Variants in MED23 observed in about 807,000 individuals in gnomAD.
MED23 encodes mediator complex subunit 23.
A neutral mutation model predicts 163.9 loss-of-function variants in MED23; 105 were observed. The ratio of observed to expected loss-of-function variants is 0.64; its 90% CI spans 0.55 to 0.75. MED23 has a LOEUF of 0.75. Ranked by LOEUF, MED23 falls within the 30% of genes least tolerant of loss-of-function variation. The probability of loss-of-function intolerance (pLI) is 0.00; values close to 1 mark genes in which losing one functional copy is unlikely to be tolerated. For synonymous variants in MED23, 561 were observed against 565.6 expected, an observed-to-expected ratio of 0.99 and a Z score of 0.12; for missense variants, 1,054 against 1,649.0, an observed-to-expected ratio of 0.64 and a Z score of 6.25.
chr6:131,598,634 T>C lies in MED23; in HGVS notation c.2348A>G (p.Gln783Arg). 1 of 1,614,162 alleles carries C rather than the reference T, an allele frequency of 6.2e-7. No individual in the cohort carries two copies. The highest frequency in any genetic ancestry group is 8.5e-7 in the Non-Finnish European group (1 of 1,180,028). ...ENDIITHFSM[Q>R]GSPPLFLCLL... is the part of the protein sequence containing the mutation. ...ACAAAGAAAGAGAGGAGGGGAGCCC[T>C]GCATAGAGAAGTGGGTAATAATGTC... The change falls in exon 19 of 29, where the codon CAG becomes CGG. Residue 783 changes from glutamine (Q) to arginine (R), a missense_variant. By Grantham distance (43) the Gln-to-Arg change is conservative. This residue lies in a region of MED23 where 228 missense variants were observed against 461.3 expected (regional missense o/e 0.49). Coordinates refer to ENST00000368068, the MANE Select transcript of MED23 (RefSeq NM_004830.4). This position sits in a 1 kb window ranked among gnomAD's most constrained non-coding sequence, Gnocchi z 4.7.
intron 12 of MED23, 71 bp from the exon 13 acceptor site, chr6:131,606,695 G>A (rs1775876332): frequency 7.7e-7 from 1 of 1,291,756 alleles, no homozygotes; most frequent in Admixed American, 1.9e-5. Context: ...GTGTATTTTA[G>A]TAATCAATTT....
At chr6:131,583,727 A>T, downstream of MED23, 1 of 1,611,806 alleles carries the variant, frequency 6.2e-7, no homozygotes. Context: ...ACATTATTAC[A>T]ATTTGTTGTT....
intron 28 of MED23, 29 bp from the exon 29 acceptor site, chr6:131,587,875 C>T (rs1242455867): frequency 1.3e-6 from 2 of 1,571,922 alleles, no homozygotes; most frequent in Admixed American, 1.8e-5. Context: ...TTAAAACGTA[C>T]TTTAATCAGA....
At chr6:131,611,104 T>C (rs927721528) in intron 10 of MED23, among the ~76,000 whole-genome samples, 3 of 152,176 alleles carry the variant, frequency 2.0e-5, no homozygotes, top group African/African-American at 4.8e-5. Context: ...TATGACTTAG[T>C]AGCAGGCAGT....
intron 4 of MED23, among the ~76,000 whole-genome samples, chr6:131,624,439 G>A (rs1196139329): frequency 6.6e-6 from 1 of 152,184 alleles, no homozygotes; most frequent in Non-Finnish European, 1.5e-5. Context: ...CCAGATATCT[G>A]AGTGGGGAAG....
At chr6:131,596,460 T>C in intron 21 of MED23, 58 bp downstream of exon 21, 1 of 1,587,624 alleles carries the variant, frequency 6.3e-7, no homozygotes, top group African/African-American at 1.3e-5. Context: ...AATCACTTCA[T>C]CAAATACTCA....
chr6:131,606,686 T>C (rs541060137), intron 12 of MED23, 62 bp from the exon 13 acceptor site: 1 of 1,347,056 alleles, frequency 7.4e-7, no homozygotes. Context: ...AATAATTATG[T>C]GTATTTTAGT....
At chr6:131,622,437 C>T (rs1407984866) in intron 5 of MED23, among the ~76,000 whole-genome samples, 1 of 152,150 alleles carries the variant, frequency 6.6e-6, no homozygotes, top group African/African-American at 2.4e-5. Context: ...CCCTTCTCAT[C>T]CATCACATAC....
At chr6:131,597,353 G>A (rs1050296447) in intron 20 of MED23, among the ~76,000 whole-genome samples, 1 of 151,538 alleles carries the variant, frequency 6.6e-6, no homozygotes, top group African/African-American at 2.4e-5. Context: ...GTGGGCACCT[G>A]TAGTCCCAGC....
chr6:131,607,876 A>T, intron 12 of MED23, 52 bp downstream of exon 12: 1 of 1,573,226 alleles, frequency 6.4e-7, no homozygotes, highest in Non-Finnish European at 8.7e-7. Flanking sequence ...AACATAAATT[A>T]GACATAATTT....
At position 131,598,772 on chromosome 6, in the gene MED23, G is replaced by A; in HGVS notation, c.2221-11C>T. On this transcript the variant is annotated splice_polypyrimidine_tract_variant and intron_variant, in intron 18 of 28. Transcript: ENST00000368068. This position sits in a 1 kb window ranked among gnomAD's most constrained non-coding sequence, Gnocchi z 4.7. ...TTGTTTGAAGAATGCCTAAAAAGAG[G>A]ATTAGAAGTTTATTTCATTGGTTAT... is the stretch of plus-strand genomic sequence containing the variant. 1 of 1,611,156 alleles carries A rather than the reference G, an allele frequency of 6.2e-7. No individual in the cohort carries two copies. The highest frequency in any genetic ancestry group is 8.5e-7 in the Non-Finnish European group (1 of 1,177,370).
chr6:131,619,765 G>C lies in MED23; in HGVS notation c.667+62C>G, dbSNP rs755477828. The C allele has an allele frequency of 8.6e-5, 109 of 1,267,180 alleles. 1 individual carries two copies. The highest frequency in any genetic ancestry group is 1.4e-4 in the South Asian group (12 of 83,798). 78.5% of individuals were successfully genotyped at this position (1,267,180 alleles called of 1,614,324 possible). A position where few individuals can be genotyped will look rare whatever the true frequency, so the allele number is the denominator to read the frequency against. Reference sequence around the variant, plus strand: ...TATTAAGAGAACATCCCTCAGCTTTGTTCAATAATTAGATTACTAAAAATC... The same window carrying C: ...TATTAAGAGAACATCCCTCAGCTTTCTTCAATAATTAGATTACTAAAAATC... On this transcript the variant is annotated intron_variant, in intron 8 of 28. Transcript: ENST00000368068.
chr6:131,609,550 T>C (rs891001848), intron 11 of MED23, among the ~76,000 whole-genome samples: 1 of 142,522 alleles, frequency 7.0e-6, no homozygotes, highest in Non-Finnish European at 1.5e-5. Context: ...TCTCGCTCTG[T>C]CGCCGAGGCT....
At chr6:131,580,754 A>G (rs1037801403) in intron 30 of MED23, among the ~76,000 whole-genome samples, 2 of 145,742 alleles carry the variant, frequency 1.4e-5, no homozygotes, top group Admixed American at 1.3e-4. Context: ...CTCTCAAATT[A>G]TAAAAGCTGG....
At chr6:131,583,337 T>G, downstream of MED23, 1 of 1,614,136 alleles carries the variant, frequency 6.2e-7, no homozygotes, top group South Asian at 1.1e-5. Context: ...ACTGAAATCC[T>G]TTCCCACTTC....
Position 131,623,461 on chromosome 6 carries a change from G to C in MED23, c.286C>G (p.Leu96Val). 1.2e-6 allele frequency: 2 copies of C among 1,613,034 alleles called. No homozygotes were observed. Among genetic ancestry groups the C allele is most frequent in the Non-Finnish European group, 1.7e-6 (2 of 1,179,082 alleles). Residue 96 changes from leucine (L) to valine (V), a missense_variant and splice_region_variant, in exon 5 of 29, where the codon CTG (leucine) becomes GTG (valine). Transcript: ENST00000368068. ...GAGTTTATCAGGGATTCACAAACCA[G>C]CCTATAAAAAAAGAAATAGCCATTC... ...AVETGLLPPRLVCESLINSDT... is the reference protein window; with the variant it reads ...AVETGLLPPRVVCESLINSDT...
intron 10 of MED23, chr6:131,615,239 A>G: frequency 1.3e-6 from 2 of 1,493,732 alleles, no homozygotes; most frequent in Non-Finnish European, 1.9e-6. Flanking sequence ...CCCCGACCAT[A>G]CACGTATTCT....
chr6:131,591,055 A>G (rs559256397), intron 26 of MED23, among the ~76,000 whole-genome samples: 1 of 150,526 alleles, frequency 6.6e-6, no homozygotes, highest in Non-Finnish European at 1.5e-5. Flanking sequence ...ATCTTGGTTC[A>G]CTGCAATTTC....
In MED23 at chr6:131,595,927, TA is replaced by T. The variant is rs763619782; in HGVS notation, c.2995+19del. 4.8e-5 allele frequency: 76 copies of T among 1,592,800 alleles called. No individual in the cohort carries two copies. Among genetic ancestry groups the T allele is most frequent in the Non-Finnish European group, 5.8e-5 (67 of 1,161,532 alleles). On this transcript the variant is annotated intron_variant, in intron 22 of 28. Transcript: ENST00000368068. ...TGATAATGGAGGTATTAGACGAAAT[TA>T]AAATTGGAAAAAGCTCACCATGAAA...
Sources: allele counts gnomAD v4.1 joint callset (sites outside exome capture counted in the v4.1 genomes callset), GRCh38; gene constraint gnomAD v4.1.1; regional missense constraint gnomAD v4.1.1; non-coding constraint Gnocchi (gnomAD v3.1); transcripts MANE v1.5; gene names NCBI Gene and HGNC (gene_info 2026-07-23, HGNC 2026-07-21).